TPRG1: variants seen among roughly 807,000 people sequenced by gnomAD.
The protein encoded by TPRG1 is tumor protein p63 regulated 1.
TPRG1 carries 29 observed loss-of-function variants against 29.3 expected under a neutral mutation model. The observed-to-expected ratio is 0.99, with a 90% CI of 0.74 to 1.35. TPRG1 has a LOEUF of 1.35. TPRG1 is among the 40% of genes most tolerant of loss of function. TPRG1 has a pLI of 0.00. For missense variants in TPRG1, 327 were observed against 335.0 expected (o/e 0.98, Z 0.19); for synonymous variants, 130 against 116.8 (o/e 1.11, Z -0.73).
chr3:189,014,235 C>G (rs1354734128), intron 3 of TPRG1, among the ~76,000 whole-genome samples: 2 of 152,074 alleles, frequency 1.3e-5, no homozygotes, highest in Non-Finnish European at 2.9e-5. Context: ...CTTGTCTGAA[C>G]AGGATCTTAT....
At chr3:189,288,913 G>T (rs1439215270) in intron 4 of TPRG1, among the ~76,000 whole-genome samples, 1 of 152,208 alleles carries the variant, frequency 6.6e-6, no homozygotes. Context: ...TGAGGTAACC[G>T]AGTTTATGGG....
chr3:189,183,220 C>T (rs947211301), intron 1 of TPRG1, among the ~76,000 whole-genome samples: 1 of 152,002 alleles, frequency 6.6e-6, no homozygotes, highest in African/African-American at 2.4e-5. Context: ...TCCATGATGC[C>T]CCGCAAGCCA....
chr3:189,192,667 G>A (rs1424063847), intron 1 of TPRG1, among the ~76,000 whole-genome samples: 1 of 152,084 alleles, frequency 6.6e-6, no homozygotes, highest in African/African-American at 2.4e-5. Flanking sequence ...TGTATCCTTT[G>A]TTTCTTTCAT....
intron 3 of TPRG1, 60 bp downstream of exon 3, chr3:189,215,443 G>A: frequency 7.3e-7 from 1 of 1,375,538 alleles, no homozygotes; most frequent in Non-Finnish European, 1.0e-6. Context: ...TGACATCACT[G>A]TAGCAGAATA....
intron 4 of TPRG1, among the ~76,000 whole-genome samples, chr3:189,303,992 C>T (rs935510953): frequency 1.2e-4 from 18 of 152,086 alleles, no homozygotes; most frequent in African/African-American, 4.3e-4. Context: ...TTGATTTAAC[C>T]TCAAGTCTTT....
At chr3:189,012,887 CTTCT>C (rs369074520) in intron 3 of TPRG1, among the ~76,000 whole-genome samples, 6 of 151,870 alleles carry the variant, frequency 4.0e-5, no homozygotes, top group African/African-American at 1.5e-4. Context: ...TCTCTCTTTT[CTTCT>C]TTGTTAGTCT....
At chr3:189,081,283 G>A (rs1370866458) in intron 4 of TPRG1, among the ~76,000 whole-genome samples, 1 of 152,144 alleles carries the variant, frequency 6.6e-6, no homozygotes, top group African/African-American at 2.4e-5. Context: ...AGGGATTGTT[G>A]AGAGAACCAA....
At chr3:189,202,735 C>A (rs1457424491) in intron 1 of TPRG1, among the ~76,000 whole-genome samples, 1 of 152,124 alleles carries the variant, frequency 6.6e-6, no homozygotes, top group Non-Finnish European at 1.5e-5. Context: ...CAACCTGGCT[C>A]TGGGGGAAAG....
At chr3:189,309,692 A>C (rs1303704075) in intron 4 of TPRG1, among the ~76,000 whole-genome samples, 1 of 152,148 alleles carries the variant, frequency 6.6e-6, no homozygotes, top group Non-Finnish European at 1.5e-5. Context: ...CTTGCTCTGC[A>C]CTTAGGTTTA....
At chr3:189,213,534 AG>A (rs1735594101) in intron 2 of TPRG1, among the ~76,000 whole-genome samples, 1 of 152,212 alleles carries the variant, frequency 6.6e-6, no homozygotes, top group African/African-American at 2.4e-5. Context: ...GAAGACTGAT[AG>A]AACTCCAGAG....
chr3:189,245,333 T>C (rs910679662), intron 4 of TPRG1, among the ~76,000 whole-genome samples: 2 of 152,194 alleles, frequency 1.3e-5, no homozygotes, highest in Non-Finnish European at 2.9e-5. Flanking sequence ...TTTCCTAATA[T>C]GAACATCTAC....
rs761776445 is a variant in TPRG1, at chr3:189,238,781, CAAGACTCTCTTGATCTGCAAATACGACTT to C, written c.352_380del (p.Lys118HisfsTer40). The C allele has an allele frequency of 2.5e-6, 4 of 1,613,654 alleles. No individual in the cohort carries two copies. On this transcript the variant is annotated frameshift_variant, in exon 4 of 6. Coordinates refer to ENST00000345063, the MANE Select transcript of TPRG1 (RefSeq NM_198485.4). LOFTEE classifies it high-confidence loss of function. ...AGGAGAGAATTCTACTGGTCACAGA[CAAGACTCTCTTGATCTGCAAATACGACTT>C]CATCATGCTGAGTTGTGTGCAGCTG...
intron 3 of TPRG1, among the ~76,000 whole-genome samples, chr3:189,235,589 C>CTTGATTG (rs1739336892): frequency 6.6e-6 from 1 of 152,214 alleles, no homozygotes; most frequent in East Asian, 1.9e-4. Context: ...AAAAGACAGT[C>CTTGATTG]TTGATTGTTG....
chr3:189,233,166 ATG>A (rs59388844), intron 3 of TPRG1, among the ~76,000 whole-genome samples: 8,604 of 148,412 alleles, frequency 0.058, 362 homozygotes, highest in African/African-American at 0.12. Context: ...CTGAGTGTGT[ATG>A]TGTGTGTGTG....
intron 1 of TPRG1, among the ~76,000 whole-genome samples, chr3:189,105,462 C>G (rs148138480): frequency 3.9e-5 from 6 of 152,118 alleles, no homozygotes; most frequent in Non-Finnish European, 7.4e-5. Context: ...TTGAGGCACA[C>G]TTTGCCCCCC....
chr3:189,112,729 A>G (rs1351092851), intron 1 of TPRG1, among the ~76,000 whole-genome samples: 3 of 152,024 alleles, frequency 2.0e-5, no homozygotes, highest in East Asian at 3.9e-4. Flanking sequence ...TGTTCCATTG[A>G]TCTATATCTC....
chr3:189,153,150 G>A (rs542078853), intron 5 of TPRG1, among the ~76,000 whole-genome samples: 3 of 152,288 alleles, frequency 2.0e-5, no homozygotes, highest in Admixed American at 6.5e-5. Flanking sequence ...GTTTGCCATC[G>A]CCAGGCTTTT....
intron 4 of TPRG1, among the ~76,000 whole-genome samples, chr3:189,025,543 A>G (rs1267084511): frequency 6.6e-6 from 1 of 152,166 alleles, no homozygotes; most frequent in Non-Finnish European, 1.5e-5. Flanking sequence ...CCTCCTTAAT[A>G]ATTCTCAACT....
intron 3 of TPRG1, among the ~76,000 whole-genome samples, chr3:189,006,436 C>A (rs1283445750): frequency 6.6e-6 from 1 of 152,136 alleles, no homozygotes; most frequent in Non-Finnish European, 1.5e-5. Context: ...GGGAGAGACA[C>A]CCCTGTTGGG....
Sources: gnomAD v4.1 joint callset for allele counts (sites outside exome capture counted in the v4.1 genomes callset) on GRCh38, gnomAD v4.1.1 for gene constraint, MANE v1.5 for transcripts, NCBI Gene and HGNC (gene_info 2026-07-23, HGNC 2026-07-21) for gene names.